CACNA1S: variants seen among roughly 807,000 people sequenced by gnomAD.
CACNA1S encodes the protein calcium voltage-gated channel subunit alpha1 S, also known as voltage-dependent L-type calcium channel subunit alpha-1S.
In CACNA1S, 126 loss-of-function variants were observed where a neutral mutation model predicts 207.4. The observed-to-expected ratio is 0.61, with a 90% CI of 0.53 to 0.70. The LOEUF (loss-of-function observed/expected upper bound fraction) is 0.70, where lower values mean the gene tolerates loss of function less well. CACNA1S is among the 30% of genes least tolerant of loss of function. The pLI is 0.00. For missense variants in CACNA1S, 2,349 were observed against 2,422.8 expected, an observed-to-expected ratio of 0.97 and a Z score of 0.64; for synonymous variants, 960 against 932.7, an observed-to-expected ratio of 1.03 and a Z score of -0.53.
chr1:201,083,404 A>T, intron 9 of CACNA1S, 82 bp from the exon 10 acceptor site: 1 of 1,451,196 alleles, frequency 6.9e-7, no homozygotes, highest in African/African-American at 1.4e-5. Flanking sequence ...GACAAACTCC[A>T]GGCATGCGTA....
chr1:201,082,029 A>ATTT lies in CACNA1S; in HGVS notation c.1393+1130_1393+1132dup, dbSNP rs754037624. On this transcript the variant is annotated intron_variant, in intron 10 of 43. Transcript: ENST00000362061. ...TTATAAATTACCCAGTCTCAGGTGC[A>ATTT]TTTTTTTTTTTTTTTTTTGAGACAG... Among the ~76,000 whole-genome samples, 348 of 126,722 alleles carry ATTT rather than the reference A, an allele frequency of 2.7e-3. 8 individuals carry two copies. Among genetic ancestry groups the ATTT allele is most frequent in the South Asian group, 4.0e-3 (16 of 3,978 alleles). 83.1% of individuals were successfully genotyped at this position (126,722 alleles called of 152,430 possible). A position where few individuals can be genotyped will look rare whatever the true frequency, so the allele number is the denominator to read the frequency against.
chr1:201,084,932 C>A lies in CACNA1S; in HGVS notation c.1232+18G>T. 1.3e-6 allele frequency: 2 copies of A among 1,583,182 alleles called. No homozygotes were observed. The highest frequency in any genetic ancestry group is 1.7e-6 in the Non-Finnish European group (2 of 1,153,160). On this transcript the variant is annotated intron_variant, in intron 9 of 43. Coordinates refer to ENST00000362061, the MANE Select transcript of CACNA1S (RefSeq NM_000069.3). ...AGCTGGGGGTTGGGGGTTCCTGGGG[C>A]AGTGGGCAGATACTCACATGAACTG...
At chr1:201,064,213 A>T (rs914880321) in intron 22 of CACNA1S, among the ~76,000 whole-genome samples, 1 of 152,186 alleles carries the variant, frequency 6.6e-6, no homozygotes, top group Middle Eastern at 3.2e-3. Flanking sequence ...GCAGACACAG[A>T]CACTGCCCTC....
At chr1:201,105,770 GC>G (rs1662854582) in intron 2 of CACNA1S, among the ~76,000 whole-genome samples, 1 of 152,134 alleles carries the variant, frequency 6.6e-6, no homozygotes, top group African/African-American at 2.4e-5. Flanking sequence ...GGAAACCCGG[GC>G]CCCAAGTCTA....
At chr1:201,083,530 C>G (rs1478754316) in intron 9 of CACNA1S, among the ~76,000 whole-genome samples, 1 of 152,168 alleles carries the variant, frequency 6.6e-6, no homozygotes, top group African/African-American at 2.4e-5. Flanking sequence ...CACAAACCTC[C>G]GAGGCAATGG....
In CACNA1S at chr1:201,073,855, G is replaced by A. The variant is rs2296386; in HGVS notation, c.2064-213C>T. Among the ~76,000 whole-genome samples the A allele has an allele frequency of 0.24, 35,933 of 152,104 alleles. 6,198 individuals carry two copies. The highest frequency in any genetic ancestry group is 0.76 in the East Asian group (3,918 of 5,158). ...CACACAGCATGGGCCCATGGCTACCGGTGGCTCACTGGTCAGCCATGTTTA... is the reference window on the plus strand; with the variant it reads ...CACACAGCATGGGCCCATGGCTACCAGTGGCTCACTGGTCAGCCATGTTTA... On this transcript the variant is annotated intron_variant, in intron 14 of 43. Coordinates refer to ENST00000362061, the MANE Select transcript of CACNA1S (RefSeq NM_000069.3).
At chr1:201,076,345 A>G (rs3820422) in intron 12 of CACNA1S, among the ~76,000 whole-genome samples, 40,546 of 152,152 alleles carry the variant, frequency 0.27, 7,397 homozygotes, top group East Asian at 0.76. Context: ...ACTGGTACAA[A>G]AGGGAGGTGT....
intron 19 of CACNA1S, among the ~76,000 whole-genome samples, chr1:201,067,722 C>T (rs755915095): frequency 3.3e-5 from 5 of 152,160 alleles, no homozygotes; most frequent in Non-Finnish European, 5.9e-5. Flanking sequence ...TGTCCTAGGC[C>T]GCCCTAGCTA....
intron 19 of CACNA1S, 89 bp from the exon 20 acceptor site, chr1:201,067,082 A>T: frequency 1.2e-6 from 1 of 847,038 alleles, no homozygotes; most frequent in South Asian, 1.4e-5. Flanking sequence ...TCTGCTCAGG[A>T]GAGCACTTAC....
At chr1:201,062,630 AAG>A in intron 22 of CACNA1S, 116 bp from the exon 23 acceptor site, 1 of 891,258 alleles carries the variant, frequency 1.1e-6, no homozygotes, top group South Asian at 1.4e-5. Flanking sequence ...CATCTGAAAA[AAG>A]GAGCCCAAGC....
intron 7 of CACNA1S, 34 bp from the exon 8 acceptor site, chr1:201,085,615 G>A: frequency 6.2e-7 from 1 of 1,612,888 alleles, no homozygotes; most frequent in Middle Eastern, 1.7e-4. Context: ...GAGAGGAGGA[G>A]AAGAGGGAAC....
In CACNA1S at chr1:201,053,513, C is replaced by T. The variant is rs764626621; in HGVS notation, c.3741G>A (p.Leu1247=). 8.7e-6 allele frequency: 14 copies of T among 1,614,062 alleles called. No individual in the cohort carries two copies. The African/African-American group carries it at 1.9e-4, about 22-fold the overall frequency. Residue 1247 remains leucine (L), a synonymous_variant, in exon 30 of 44, where the codon CTG becomes CTA. Transcript: ENST00000362061. The surrounding 1 kb of genome is among the most constrained non-coding windows in gnomAD (Gnocchi z 5.1). ...GGGTTCGCACTCCTTCTGCCCGGCT[C>T]AGCAGCTTGATCAGCCTCATGACAC... ...LFRVMRLIKL[L]SRAEGVRTLL... is the part of the protein sequence containing the mutation.
intron 28 of CACNA1S, among the ~76,000 whole-genome samples, chr1:201,057,575 T>C (rs1366902257): frequency 1.3e-5 from 2 of 152,242 alleles, no homozygotes; most frequent in East Asian, 1.9e-4. Flanking sequence ...CAGTACATAT[T>C]TGAGAAATAA....
chr1:201,042,348 G>T (rs569152410), intron 40 of CACNA1S, among the ~76,000 whole-genome samples: 2 of 152,246 alleles, frequency 1.3e-5, no homozygotes, highest in South Asian at 4.1e-4. Context: ...ATGTTGGCCA[G>T]GCAGGTCTCG....
At chr1:201,047,339 A>G in intron 37 of CACNA1S, 100 bp from the exon 38 acceptor site, 1 of 1,527,424 alleles carries the variant, frequency 6.5e-7, no homozygotes, top group Non-Finnish European at 9.0e-7. Context: ...CATGCAAGCA[A>G]TCCTTTGTCT....
chr1:201,097,588 C>T (rs1056608804), intron 2 of CACNA1S, among the ~76,000 whole-genome samples: 4 of 152,214 alleles, frequency 2.6e-5, no homozygotes, highest in Admixed American at 1.3e-4. Flanking sequence ...CTGTGCTTCT[C>T]TTTGCTGCCT....
chr1:201,053,088 G>T lies in CACNA1S; in HGVS notation c.3861+121C>A. ...GAGGTTGTCCCTCCTTCTTTCTCAC[G>T]AGCAAGGCAGGGAGGGCGGAGGGTC... is the stretch of plus-strand genomic sequence containing the variant. On this transcript the variant is annotated intron_variant, in intron 31 of 43. Transcript: ENST00000362061. The surrounding 1 kb of genome is among the most constrained non-coding windows in gnomAD (Gnocchi z 5.1). 8.7e-7 allele frequency: 1 copy of T among 1,146,310 alleles called. No homozygotes were observed. The highest frequency in any genetic ancestry group is 1.2e-5 in the South Asian group (1 of 81,532). 71.0% of individuals were successfully genotyped at this position (1,146,310 alleles called of 1,614,324 possible).
At chr1:201,092,879 G>A (rs1360700393) in intron 3 of CACNA1S, among the ~76,000 whole-genome samples, 1 of 152,218 alleles carries the variant, frequency 6.6e-6, no homozygotes. Flanking sequence ...ACAGCATACT[G>A]GTTGAGCATG....
chr1:201,062,384 C>G, intron 23 of CACNA1S, 78 bp downstream of exon 23: 1 of 1,412,372 alleles, frequency 7.1e-7, no homozygotes, highest in Non-Finnish European at 1.0e-6. Flanking sequence ...AACCCTCCCA[C>G]AGTGCTCCCT....
Sources: gnomAD v4.1 joint callset for allele counts (sites outside exome capture counted in the v4.1 genomes callset) on GRCh38, gnomAD v4.1.1 for gene constraint, Gnocchi (gnomAD v3.1) non-coding constraint, MANE v1.5 for transcripts, NCBI Gene and HGNC (gene_info 2026-07-23, HGNC 2026-07-21) for gene names.